Variants in KIRREL3 observed in about 807,000 individuals in gnomAD.
The protein encoded by KIRREL3 is kirre like nephrin family adhesion molecule 3.
In KIRREL3, 36 loss-of-function variants were observed where a neutral mutation model predicts 89.7. The observed-to-expected ratio is 0.40, with a 90% CI of 0.31 to 0.53. The LOEUF (loss-of-function observed/expected upper bound fraction) is 0.53. KIRREL3 is among the 20% of genes least tolerant of loss of function. The pLI is 0.49. For synonymous variants in KIRREL3, 445 were observed against 441.4 expected (o/e 1.01, Z -0.10); for missense variants, 864 against 1,056.6 (o/e 0.82, Z 2.53).
rs1046705470 is a variant in KIRREL3, at chr11:126,535,547, A to G, written c.134-8860T>C. 1.3e-5 allele frequency among the ~76,000 whole-genome samples: 2 copies of G among 151,704 alleles called. No individual in the cohort carries two copies. Among genetic ancestry groups the G allele is most frequent in the African/African-American group, 2.4e-5 (1 of 41,190 alleles). ...CCACGTCACTCGGTGTGATGGTCTT[A>G]GGGCAGCACTGCAGGGTGCTGGGTC... On this transcript the variant is annotated intron_variant, in intron 2 of 16. Transcript: ENST00000525144. This position sits in a 1 kb window ranked among gnomAD's most constrained non-coding sequence, Gnocchi z 4.5.
intron 7 of KIRREL3, among the ~76,000 whole-genome samples, chr11:126,451,035 ACATGTGTGAGCATGTG>A (rs1033477584): frequency 1.5e-5 from 2 of 132,140 alleles, no homozygotes; most frequent in Admixed American, 7.5e-5. Flanking sequence ...GTGCATGTGT[ACATGTGTGAGCATGTG>A]CATGTGTGCA....
Position 126,811,221 on chromosome 11 carries a change from G to C in KIRREL3, c.55+189234C>G, listed in dbSNP as rs529788762. Among the ~76,000 whole-genome samples, 1 of 152,318 alleles carries C rather than the reference G, an allele frequency of 6.6e-6. No individual in the cohort carries two copies. The highest frequency in any genetic ancestry group is 1.9e-4 in the East Asian group (1 of 5,186). On this transcript the variant is annotated intron_variant, in intron 1 of 16. Transcript: ENST00000525144. This position sits in a 1 kb window ranked among gnomAD's most constrained non-coding sequence, Gnocchi z 4.3. ...ACAATTCTGTCTTTCCTCCTGCTGA[G>C]AATTCTTCTGTTTTCCAGGAGGTGT... is the stretch of plus-strand genomic sequence containing the variant.
chr11:126,911,858 C>G (rs1946830804), intron 1 of KIRREL3, among the ~76,000 whole-genome samples: 1 of 151,992 alleles, frequency 6.6e-6, no homozygotes, highest in Admixed American at 6.6e-5. Context: ...TGGCGGGTGC[C>G]TGTAGTCCCA....
At chr11:126,785,785 A>C (rs1565729662) in intron 1 of KIRREL3, among the ~76,000 whole-genome samples, 1 of 146,462 alleles carries the variant, frequency 6.8e-6, no homozygotes, top group Non-Finnish European at 1.5e-5. Context: ...GAGGCAGGGG[A>C]ATCGCTTGAA....
intron 1 of KIRREL3, among the ~76,000 whole-genome samples, chr11:126,572,308 T>C (rs865840752): frequency 6.6e-6 from 1 of 152,168 alleles, no homozygotes; most frequent in Non-Finnish European, 1.5e-5. Flanking sequence ...CAATAACAGG[T>C]TATACATACA....
intron 5 of KIRREL3, among the ~76,000 whole-genome samples, chr11:126,465,622 G>A (rs1956697568): frequency 1.3e-5 from 2 of 152,344 alleles, no homozygotes; most frequent in Non-Finnish European, 2.9e-5. Context: ...TGGAGGCAAA[G>A]CCGGACTGTG....
intron 1 of KIRREL3, among the ~76,000 whole-genome samples, chr11:126,856,364 A>G (rs1944508876): frequency 6.6e-6 from 1 of 152,184 alleles, no homozygotes; most frequent in Non-Finnish European, 1.5e-5. Flanking sequence ...TTTTTCTCAC[A>G]TTATTTAATT....
intron 1 of KIRREL3, among the ~76,000 whole-genome samples, chr11:126,661,735 A>G (rs922335768): frequency 4.6e-5 from 7 of 152,180 alleles, no homozygotes; most frequent in African/African-American, 1.7e-4. Flanking sequence ...AACTATGGAT[A>G]CCCAGGCTCC....
Position 126,771,432 on chromosome 11 carries a change from T to G in KIRREL3, c.56-208520A>C, listed in dbSNP as rs1950017899. ...CTGCCTGGAATCTCCTTCATGGTATTTAAAGCTGTTATTAATTATCCATTT... is the reference window on the plus strand; with the variant it reads ...CTGCCTGGAATCTCCTTCATGGTATGTAAAGCTGTTATTAATTATCCATTT... On this transcript the variant is annotated intron_variant, in intron 1 of 16. Coordinates refer to ENST00000525144, the MANE Select transcript of KIRREL3 (RefSeq NM_032531.4). The surrounding 1 kb of genome is among the most constrained non-coding windows in gnomAD (Gnocchi z 4.4). Among the ~76,000 whole-genome samples, 1 of 152,232 alleles carries G rather than the reference T, an allele frequency of 6.6e-6. No individual in the cohort carries two copies. The highest frequency in any genetic ancestry group is 1.5e-5 in the Non-Finnish European group (1 of 68,034).
rs932783421 is a variant in KIRREL3, at chr11:126,521,076, G to T, written c.433+239C>A. Among the ~76,000 whole-genome samples the T allele has an allele frequency of 1.3e-5, 2 of 152,214 alleles. No individual in the cohort carries two copies. The highest frequency in any genetic ancestry group is 2.4e-5 in the African/African-American group (1 of 41,458). ...AGCTGCCTAAGGCACCATCAAACAC[G>T]CCGGGGTTGGACTGAGTCCGCTGGC... is the stretch of plus-strand genomic sequence containing the variant. On this transcript the variant is annotated intron_variant, in intron 4 of 16. Transcript: ENST00000525144. This position sits in a 1 kb window ranked among gnomAD's most constrained non-coding sequence, Gnocchi z 4.1.
chr11:126,685,057 G>C lies in KIRREL3; in HGVS notation c.56-122145C>G, dbSNP rs890760236. On this transcript the variant is annotated intron_variant, in intron 1 of 16. Coordinates refer to ENST00000525144, the MANE Select transcript of KIRREL3 (RefSeq NM_032531.4). The surrounding 1 kb of genome is among the most constrained non-coding windows in gnomAD (Gnocchi z 5.5). ...TAGACACACATTCCTGTAGATGCTG[G>C]AGTGGAAAGGCAGGTTGGAGGAAAT... Among the ~76,000 whole-genome samples, 8 of 152,082 alleles carry C rather than the reference G, an allele frequency of 5.3e-5. No individual in the cohort carries two copies. Among genetic ancestry groups the C allele is most frequent in the African/African-American group, 2.4e-5 (1 of 41,404 alleles).
rs1949297400 is a variant in KIRREL3, at chr11:126,750,452, GA to G, written c.56-187541del. On this transcript the variant is annotated intron_variant, in intron 1 of 16. Coordinates refer to ENST00000525144, the MANE Select transcript of KIRREL3 (RefSeq NM_032531.4). The surrounding 1 kb of genome is among the most constrained non-coding windows in gnomAD (Gnocchi z 4.2). ...AACACTCTTACCCTCTTTAGAAACA[GA>G]AGGGACTGGAGAGGTTTGGCTGAGA... Among the ~76,000 whole-genome samples the G allele has an allele frequency of 6.6e-6, 1 of 151,776 alleles. No homozygotes were observed. Among genetic ancestry groups the G allele is most frequent in the Admixed American group, 6.6e-5 (1 of 15,258 alleles).
chr11:126,619,070 T>C (rs1361229781), intron 1 of KIRREL3, among the ~76,000 whole-genome samples: 1 of 152,206 alleles, frequency 6.6e-6, no homozygotes, highest in Non-Finnish European at 1.5e-5. Flanking sequence ...CAGGTGCTGA[T>C]AAATGCATTG....
At position 126,456,441 on chromosome 11, in the gene KIRREL3, G is replaced by C; in HGVS notation, c.756C>G (p.Val252=). 6.3e-7 allele frequency: 1 copy of C among 1,581,018 alleles called. No homozygotes were observed. Among genetic ancestry groups the C allele is most frequent in the East Asian group, 2.3e-5 (1 of 43,318 alleles). Residue 252 remains valine (V), a synonymous_variant, in exon 7 of 17, where the codon GTC becomes GTG. Coordinates refer to ENST00000525144, the MANE Select transcript of KIRREL3 (RefSeq NM_032531.4). Reference sequence around the variant, plus strand: ...CTGGCTGTGGCTCCACCGAGAGGTTGACCAGTGGAGGGTCTGCAGGGAGAG... The same window carrying C: ...CTGGCTGTGGCTCCACCGAGAGGTTCACCAGTGGAGGGTCTGCAGGGAGAG... ...VTIDIQHPPL[V]NLSVEPQPVL...
intron 1 of KIRREL3, among the ~76,000 whole-genome samples, chr11:126,745,497 A>C (rs1044779789): frequency 1.2e-3 from 4 of 3,220 alleles, no homozygotes; most frequent in African/African-American, 8.7e-3. Context: ...CAGAAAAACA[A>C]AAAAAAAAAA....
chr11:126,755,433 T>C lies in KIRREL3; in HGVS notation c.56-192521A>G, dbSNP rs186292178. On this transcript the variant is annotated intron_variant, in intron 1 of 16. Transcript: ENST00000525144. This position sits in a 1 kb window ranked among gnomAD's most constrained non-coding sequence, Gnocchi z 4.3. The stretch of plus-strand genomic sequence containing the variant: ...ATGAAGAAATTCTAATTTTCAGCAG[T>C]CATGGGTGGAAAATCAATACTACTC... Among the ~76,000 whole-genome samples, 6 of 152,054 alleles carry C rather than the reference T, an allele frequency of 3.9e-5. No individual in the cohort carries two copies. The highest frequency in any genetic ancestry group is 8.8e-5 in the Non-Finnish European group (6 of 68,002).
rs549875835 is a variant in KIRREL3 at position 126,563,944 on chromosome 11, G to A, written c.56-1032C>T. Among the ~76,000 whole-genome samples, 5 of 152,280 alleles carry A rather than the reference G, an allele frequency of 3.3e-5. No homozygotes were observed. The South Asian group carries it at 1.0e-3, about 32-fold the overall frequency. On this transcript the variant is annotated intron_variant, in intron 1 of 16. Transcript: ENST00000525144. The surrounding 1 kb of genome is among the most constrained non-coding windows in gnomAD (Gnocchi z 6.8). The stretch of plus-strand genomic sequence containing the variant: ...ACATTATGCAGATGGGAAAATTGAG[G>A]TTCAACCATGTTAAATGACTTCCCA...
chr11:126,998,563 G>A (rs1401993376), intron 1 of KIRREL3, among the ~76,000 whole-genome samples: 1 of 152,102 alleles, frequency 6.6e-6, no homozygotes, highest in Non-Finnish European at 1.5e-5. Context: ...CTCAGGACTC[G>A]GGGTAGATAA....
intron 1 of KIRREL3, among the ~76,000 whole-genome samples, chr11:126,984,034 G>C (rs908755168): frequency 1.3e-5 from 2 of 152,006 alleles, no homozygotes; most frequent in African/African-American, 4.8e-5. Flanking sequence ...CTCCCCATGA[G>C]CCCCACTGAG....
Sources: gnomAD v4.1 joint callset for allele counts (sites outside exome capture counted in the v4.1 genomes callset) on GRCh38, gnomAD v4.1.1 for gene constraint, Gnocchi (gnomAD v3.1) non-coding constraint, MANE v1.5 for transcripts, NCBI Gene and HGNC (gene_info 2026-07-23, HGNC 2026-07-21) for gene names.